Variants in DOCK1 observed in about 807,000 individuals in gnomAD.
DOCK1 encodes the protein dedicator of cytokinesis protein 1.
DOCK1 carries 138 observed loss-of-function variants against 262.7 expected under a neutral mutation model. The ratio of observed to expected loss-of-function variants is 0.53; its 90% CI spans 0.46 to 0.61. DOCK1 has a LOEUF of 0.61. Ranked by LOEUF, DOCK1 falls within the 20% of genes least tolerant of loss-of-function variation. DOCK1 has a pLI of 0.00. For missense variants in DOCK1, 1,908 were observed against 2,370.7 expected, an observed-to-expected ratio of 0.80 and a Z score of 4.05; for synonymous variants, 866 against 867.4, an observed-to-expected ratio of 1.00 and a Z score of 0.03.
chr10:126,927,178 C>T lies in DOCK1; in HGVS notation c.46+21615C>T, dbSNP rs373587025. Among the ~76,000 whole-genome samples the T allele has an allele frequency of 3.9e-5, 6 of 152,226 alleles. No homozygotes were observed. In the South Asian group the frequency reaches 1.2e-3, roughly 32 times the overall value. On this transcript the variant is annotated intron_variant, in intron 1 of 51. Coordinates refer to ENST00000623213, the MANE Select transcript of DOCK1 (RefSeq NM_001290223.2). ...TTAGAAGAAAACTGCCTAGAGAGTG[C>T]GGTGGTGACTACCACGCCAGGTGTG...
rs759371353 is a variant in DOCK1, at chr10:127,343,598, A to G, written c.3124-48A>G. ...TGTCTGAGAGCATTGTTGAGATCCT[A>G]TATCAAGCTGTTCAACAACTTAGCA... On this transcript the variant is annotated intron_variant, in intron 30 of 51. Coordinates refer to ENST00000623213, the MANE Select transcript of DOCK1 (RefSeq NM_001290223.2). 40 of 1,415,202 alleles carry G rather than the reference A, an allele frequency of 2.8e-5. No individual in the cohort carries two copies. In the East Asian group the frequency reaches 9.2e-4, roughly 33 times the overall value. The allele number at this position is 1,415,202 out of a possible 1,614,324, so 87.7% of individuals were successfully genotyped here. A position where few individuals can be genotyped will look rare whatever the true frequency, so the allele number is the denominator to read the frequency against.
At chr10:127,163,110 T>C (rs1304522577) in intron 27 of DOCK1, among the ~76,000 whole-genome samples, 1 of 152,196 alleles carries the variant, frequency 6.6e-6, no homozygotes, top group African/African-American at 2.4e-5. Context: ...TTGCAGACCA[T>C]GCCACTGTGG....
chr10:127,345,034 ATGT>A (rs1188279855), intron 31 of DOCK1, among the ~76,000 whole-genome samples: 2 of 152,296 alleles, frequency 1.3e-5, no homozygotes, highest in African/African-American at 2.4e-5. Flanking sequence ...CATTACAAAC[ATGT>A]TGTACGGGTT....
chr10:127,379,461 T>G (rs952157400), intron 35 of DOCK1, among the ~76,000 whole-genome samples: 10 of 152,212 alleles, frequency 6.6e-5, no homozygotes, highest in Non-Finnish European at 1.3e-4. Context: ...GGAAATGTCT[T>G]GTGTAGACTG....
intron 22 of DOCK1, among the ~76,000 whole-genome samples, chr10:127,053,600 G>C (rs2044907918): frequency 1.3e-5 from 2 of 152,010 alleles, no homozygotes; most frequent in African/African-American, 2.4e-5. Context: ...GGTTAAAGGG[G>C]AACAAAAAAT....
chr10:127,221,352 T>C (rs1274764613), intron 27 of DOCK1, among the ~76,000 whole-genome samples: 4 of 152,178 alleles, frequency 2.6e-5, no homozygotes, highest in African/African-American at 9.7e-5. Flanking sequence ...ACACAGTGCA[T>C]GGTGTGTTGT....
At chr10:127,251,471 G>A (rs1412847459) in intron 28 of DOCK1, among the ~76,000 whole-genome samples, 1 of 151,148 alleles carries the variant, frequency 6.6e-6, no homozygotes, top group Non-Finnish European at 1.5e-5. Context: ...ATGCTGGTGT[G>A]CTGCACCCAA....
chr10:127,064,617 C>T lies in DOCK1; in HGVS notation c.2445+2841C>T, dbSNP rs1306378748. On this transcript the variant is annotated intron_variant, in intron 23 of 51. Transcript: ENST00000623213. ...TGCCTGCCTTCACTCCCCTTCCCAG[C>T]GGCCGTCTCCCGTCACCCCCGCTCC... Among the ~76,000 whole-genome samples, 4 of 152,324 alleles carry T rather than the reference C, an allele frequency of 2.6e-5. No individual in the cohort carries two copies. In the East Asian group the frequency reaches 5.8e-4, roughly 22 times the overall value.
At chr10:127,290,740 GGTTGTT>G (rs1349040981) in intron 29 of DOCK1, among the ~76,000 whole-genome samples, 1 of 152,172 alleles carries the variant, frequency 6.6e-6, no homozygotes, top group Non-Finnish European at 1.5e-5. Flanking sequence ...GGTCCATCCA[GGTTGTT>G]GTATATAGCA....
chr10:127,366,561 A>G (rs2064924936), intron 33 of DOCK1, among the ~76,000 whole-genome samples: 1 of 152,074 alleles, frequency 6.6e-6, no homozygotes, highest in Non-Finnish European at 1.5e-5. Flanking sequence ...GGGCCACAGT[A>G]TTTGTCTCTT....
At chr10:127,020,754 G>A (rs1024661396) in intron 13 of DOCK1, among the ~76,000 whole-genome samples, 25 of 152,086 alleles carry the variant, frequency 1.6e-4, no homozygotes, top group East Asian at 1.9e-4. Flanking sequence ...CACTGGCCGC[G>A]CTGTGGGCAC....
chr10:127,147,971 C>CA (rs1404822848), intron 27 of DOCK1, among the ~76,000 whole-genome samples: 1 of 131,998 alleles, frequency 7.6e-6, no homozygotes, highest in East Asian at 2.4e-4. Flanking sequence ...GAGGAGGGTG[C>CA]AGTGAGCCGA....
chr10:127,315,943 C>T (rs990412974), intron 29 of DOCK1, among the ~76,000 whole-genome samples: 1 of 152,110 alleles, frequency 6.6e-6, no homozygotes, highest in Non-Finnish European at 1.5e-5. Flanking sequence ...AAGTGATCCA[C>T]CCACCTCAGC....
At chr10:127,353,879 C>G (rs1246101704) in intron 31 of DOCK1, among the ~76,000 whole-genome samples, 1 of 152,182 alleles carries the variant, frequency 6.6e-6, no homozygotes, top group African/African-American at 2.4e-5. Flanking sequence ...ACAGTGCGCT[C>G]TTCTGTAATC....
intron 38 of DOCK1, among the ~76,000 whole-genome samples, chr10:127,392,996 A>G (rs923424605): frequency 1.3e-5 from 2 of 152,208 alleles, no homozygotes; most frequent in African/African-American, 4.8e-5. Flanking sequence ...TTATTAAGTG[A>G]CCGAACGGGC....
intron 44 of DOCK1, among the ~76,000 whole-genome samples, chr10:127,416,350 A>T (rs545852649): frequency 6.6e-6 from 1 of 152,312 alleles, no homozygotes; most frequent in East Asian, 1.9e-4. Flanking sequence ...GAGGCATTGT[A>T]CATGTGAGAG....
chr10:127,452,398 A>G lies in DOCK1; in HGVS notation c.*971A>G, dbSNP rs75146403. The G allele has an allele frequency of 2.0e-4, 31 of 152,716 alleles. No homozygotes were observed. The East Asian group carries it at 5.2e-3, about 26-fold the overall frequency. The allele number at this position is 152,716 out of a possible 1,614,324, so 9.5% of individuals were successfully genotyped here. On this transcript the variant is annotated 3_prime_UTR_variant, in exon 52 of 52. Coordinates refer to ENST00000623213, the MANE Select transcript of DOCK1 (RefSeq NM_001290223.2). ...ATGATTTTTAAAAAACTAACTTTGT[A>G]TAACCTAATATTTGTATTCTCTCAT...
At chr10:126,919,395 A>G (rs901715942) in intron 1 of DOCK1, among the ~76,000 whole-genome samples, 11 of 152,192 alleles carry the variant, frequency 7.2e-5, no homozygotes, top group Non-Finnish European at 1.0e-4. Flanking sequence ...TTTGTTTTCA[A>G]GTCCTCCTAA....
chr10:126,951,547 G>A (rs1311189142), intron 1 of DOCK1, among the ~76,000 whole-genome samples: 1 of 151,692 alleles, frequency 6.6e-6, no homozygotes, highest in African/African-American at 2.4e-5. Context: ...TGGTAGTATT[G>A]TTGGTGATGT....
Sources: gnomAD v4.1 joint callset for allele counts (sites outside exome capture counted in the v4.1 genomes callset) on GRCh38, gnomAD v4.1.1 for gene constraint, MANE v1.5 for transcripts, NCBI Gene and HGNC (gene_info 2026-07-23, HGNC 2026-07-21) for gene names.